Variants in PCDH11X observed in about 807,000 individuals in gnomAD.
PCDH11X encodes protocadherin-11 X-linked.
Under a neutral mutation model 53.3 loss-of-function variants are expected in PCDH11X, and 18 were observed. The ratio of observed to expected loss-of-function variants is 0.34; its 90% CI spans 0.23 to 0.50. The LOEUF (loss-of-function observed/expected upper bound fraction) is 0.50, where lower values mean the gene tolerates loss of function less well. PCDH11X is among the 20% of genes least tolerant of loss of function. PCDH11X has a pLI of 0.98. For missense variants in PCDH11X, 570 were observed against 1,032.4 expected, an observed-to-expected ratio of 0.55 and a Z score of 6.14; for synonymous variants, 279 against 393.3, an observed-to-expected ratio of 0.71 and a Z score of 3.44.
chrX:92,025,000 A>C (rs1257481494), intron 6 of PCDH11X, among the ~76,000 whole-genome samples: 1 of 111,100 alleles, frequency 9.0e-6, no homozygotes, highest in Non-Finnish European at 1.9e-5. Context: ...CTTAAATATA[A>C]AACTCAAAAT....
chrX:92,092,045 C>T lies in PCDH11X; in HGVS notation c.3034-109330C>T, dbSNP rs763846300. 1.5e-4 allele frequency among the ~76,000 whole-genome samples: 17 copies of T among 110,880 alleles called. No individual in the cohort carries two copies. In the South Asian group the frequency reaches 6.5e-3, roughly 43 times the overall value. ...TTTTTAATTTCTTCCTTGTTATTCCCGAGTCAGATTGGAAAGTAAGTCAAG... is the reference window on the plus strand; with the variant it reads ...TTTTTAATTTCTTCCTTGTTATTCCTGAGTCAGATTGGAAAGTAAGTCAAG... On this transcript the variant is annotated intron_variant, in intron 6 of 10. Coordinates refer to ENST00000682573, the MANE Select transcript of PCDH11X (RefSeq NM_032968.5).
chrX:92,300,952 G>A (rs1390558816), intron 8 of PCDH11X, among the ~76,000 whole-genome samples: 1 of 111,920 alleles, frequency 8.9e-6, no homozygotes, highest in African/African-American at 3.2e-5. Context: ...GGCTGCTGTT[G>A]GGCAATGGCA....
At chrX:91,847,581 G>T (rs985602624) in intron 5 of PCDH11X, among the ~76,000 whole-genome samples, 15 of 111,235 alleles carry the variant, frequency 1.3e-4, no homozygotes, top group African/African-American at 4.6e-4. Context: ...GAGCCAGAGA[G>T]CTGCCATCTT....
rs769411878 is a variant in PCDH11X at position 92,387,880 on chromosome X, G to A, written c.3290G>A (p.Arg1097His). ...LGYPQEEYFDRATPSNRTEGD... is the reference protein window; with the variant it reads ...LGYPQEEYFDHATPSNRTEGD... Reference sequence around the variant, plus strand: ...TATCCTCAGGAGGAGTACTTTGATCGTGCTACACCCAGCAATCGCACTGAA... The same window carrying A: ...TATCCTCAGGAGGAGTACTTTGATCATGCTACACCCAGCAATCGCACTGAA... The change falls in exon 9 of 11, where the codon CGT becomes CAT. Residue 1097 changes from arginine (R) to histidine (H), a missense_variant. Arg to His is a conservative substitution (Grantham distance 29, BLOSUM62 0). Around this residue, in one of 6 missense-constraint regions of PCDH11X, gnomAD observed 234 missense variants for 296.1 expected, o/e 0.79. Transcript: ENST00000682573. 29 of 1,210,867 alleles carry A rather than the reference G, an allele frequency of 2.4e-5. No individual in the cohort carries two copies. The highest frequency in any genetic ancestry group is 3.0e-5 in the Non-Finnish European group (27 of 895,285).
At chrX:92,137,129 G>A in intron 6 of PCDH11X, among the ~76,000 whole-genome samples, 1 of 108,764 alleles carries the variant, frequency 9.2e-6, no homozygotes, top group Non-Finnish European at 1.9e-5. Flanking sequence ...AAGTAGCTGG[G>A]ACTACAGGCA....
chrX:92,471,918 G>T (rs1364519197), intron 10 of PCDH11X, among the ~76,000 whole-genome samples: 2 of 110,740 alleles, frequency 1.8e-5, no homozygotes, highest in African/African-American at 6.6e-5. Flanking sequence ...TTTGAAAAGT[G>T]TCTGCTCATG....
intron 8 of PCDH11X, among the ~76,000 whole-genome samples, chrX:92,323,277 T>A (rs1197012213): frequency 9.0e-6 from 1 of 110,522 alleles, no homozygotes; most frequent in Non-Finnish European, 1.9e-5. Context: ...TCTGAAACAC[T>A]GTCAGACTGT....
chrX:91,920,277 T>C (rs2147818259), intron 6 of PCDH11X, among the ~76,000 whole-genome samples: 1 of 110,866 alleles, frequency 9.0e-6, no homozygotes, highest in East Asian at 2.8e-4. Context: ...TATAGCACTG[T>C]GCAAGCACTG....
chrX:92,101,880 A>G, intron 6 of PCDH11X, among the ~76,000 whole-genome samples: 1 of 111,073 alleles, frequency 9.0e-6, no homozygotes, highest in African/African-American at 3.3e-5. Flanking sequence ...CCTTGAGGAT[A>G]GATTTCCATG....
intron 6 of PCDH11X, among the ~76,000 whole-genome samples, chrX:92,051,257 A>G (rs1203094714): frequency 9.0e-6 from 1 of 111,674 alleles, no homozygotes; most frequent in Non-Finnish European, 1.9e-5. Context: ...TTCATGTTTA[A>G]TTTCCCAGTG....
At chrX:92,508,578 T>A (rs1489404981) in intron 10 of PCDH11X, among the ~76,000 whole-genome samples, 2 of 110,998 alleles carry the variant, frequency 1.8e-5, no homozygotes, top group Non-Finnish European at 3.8e-5. Context: ...TTTATAATGC[T>A]TTATTGATAT....
At chrX:91,930,096 A>T (rs1365731500) in intron 6 of PCDH11X, among the ~76,000 whole-genome samples, 1 of 109,469 alleles carries the variant, frequency 9.1e-6, no homozygotes, top group Non-Finnish European at 1.9e-5. Flanking sequence ...TAATAAAGAG[A>T]AATAAGCCCC....
intron 1 of PCDH11X, among the ~76,000 whole-genome samples, chrX:91,805,094 A>T (rs1193584955): frequency 9.5e-6 from 1 of 104,908 alleles, no homozygotes; most frequent in Non-Finnish European, 2.0e-5. Context: ...AAGGATAATG[A>T]TCAGATTTAA....
intron 6 of PCDH11X, among the ~76,000 whole-genome samples, chrX:91,909,364 T>A (rs1941299060): frequency 9.3e-6 from 1 of 108,077 alleles, no homozygotes; most frequent in Non-Finnish European, 1.9e-5. Flanking sequence ...TCTGTCTCTG[T>A]CACATTTCGT....
intron 6 of PCDH11X, among the ~76,000 whole-genome samples, chrX:92,198,351 C>T (rs1387098718): frequency 3.5e-5 from 3 of 86,633 alleles, no homozygotes; most frequent in African/African-American, 8.7e-5. Context: ...GTTGAGGCTG[C>T]GGTGAGCCAA....
chrX:92,436,440 G>A (rs1056328996), intron 9 of PCDH11X, among the ~76,000 whole-genome samples: 1 of 111,834 alleles, frequency 8.9e-6, no homozygotes, highest in Non-Finnish European at 1.9e-5. Context: ...GTTAAAAACA[G>A]AACTACTATT....
chrX:92,199,040 CAT>C (rs1483721925), intron 6 of PCDH11X, among the ~76,000 whole-genome samples: 2 of 111,495 alleles, frequency 1.8e-5, no homozygotes, highest in East Asian at 2.8e-4. Context: ...TTTTCTCTCA[CAT>C]ATGTCTATTT....
At chrX:91,793,498 T>G (rs775286851) in intron 1 of PCDH11X, among the ~76,000 whole-genome samples, 1 of 110,513 alleles carries the variant, frequency 9.0e-6, no homozygotes, top group South Asian at 3.8e-4. Flanking sequence ...AACATAACTA[T>G]ACAATTATAC....
At chrX:92,473,175 G>T (rs1402097641) in intron 10 of PCDH11X, among the ~76,000 whole-genome samples, 1 of 107,421 alleles carries the variant, frequency 9.3e-6, no homozygotes, top group African/African-American at 3.4e-5. Context: ...ATTTCTTAAT[G>T]GTTTAAACTT....
Sources: allele counts gnomAD v4.1 joint callset (sites outside exome capture counted in the v4.1 genomes callset), GRCh38; gene constraint gnomAD v4.1.1; regional missense constraint gnomAD v4.1.1; transcripts MANE v1.5; gene names NCBI Gene and HGNC (gene_info 2026-07-23, HGNC 2026-07-21).